Variants in REPS2 observed in about 807,000 individuals in gnomAD.
The protein encoded by REPS2 is ralBP1-associated Eps domain-containing protein 2.
Under a neutral mutation model 53.6 loss-of-function variants are expected in REPS2, and 23 were observed. The observed-to-expected ratio is 0.43, with a 90% CI of 0.31 to 0.61. The LOEUF (loss-of-function observed/expected upper bound fraction) is 0.61, where lower values mean the gene tolerates loss of function less well. Among genes scored for constraint, REPS2 ranks in the 20% least tolerant of loss-of-function variants. The pLI is 0.11. For missense variants in REPS2, 446 were observed against 534.9 expected (o/e 0.83, Z 1.64); for synonymous variants, 238 against 218.6 (o/e 1.09, Z -0.78).
At chrX:17,141,061 C>T (rs1020488720) in intron 17 of REPS2, among the ~76,000 whole-genome samples, 6 of 111,817 alleles carry the variant, frequency 5.4e-5, no homozygotes, top group South Asian at 3.7e-4. Context: ...TGAGCCACCG[C>T]GCCAGCGCAC....
At chrX:17,180,626 ACACACACACACACACG>A in the REPS2 span, among the ~76,000 whole-genome samples, 1 of 78,252 alleles carries the variant, frequency 1.3e-5, no homozygotes, top group African/African-American at 6.5e-5. Context: ...TCTCTCTCTC[ACACACACACACACACG>A]CACACACACA....
intron 1 of REPS2, among the ~76,000 whole-genome samples, chrX:16,969,380 G>A (rs1402787512): frequency 1.8e-5 from 2 of 111,312 alleles, no homozygotes; most frequent in Non-Finnish European, 3.8e-5. Flanking sequence ...CAGGCTGCTG[G>A]GAGGTGGAGG....
the REPS2 span, among the ~76,000 whole-genome samples, chrX:17,165,707 A>C: frequency 1.8e-5 from 2 of 110,540 alleles, no homozygotes; most frequent in African/African-American, 3.3e-5. Flanking sequence ...GTTTTTAATT[A>C]CTCATTTACT....
At chrX:17,099,723 C>T in intron 13 of REPS2, 1 of 498,856 alleles carries the variant, frequency 2.0e-6, no homozygotes, top group Non-Finnish European at 3.6e-6. Flanking sequence ...AACTTCTTTC[C>T]TTCCCACCTG....
At chrX:17,050,163 T>C (rs1602810984) in intron 6 of REPS2, among the ~76,000 whole-genome samples, 1 of 43,744 alleles carries the variant, frequency 2.3e-5, no homozygotes, top group African/African-American at 1.1e-4. Context: ...TCTTTCTTTC[T>C]TTCTTTCTTT....
At position 16,946,858 on chromosome X, in the gene REPS2, C is replaced by T; in HGVS notation, c.-4C>T. On this transcript the variant is annotated 5_prime_UTR_variant, in exon 1 of 18. Transcript: ENST00000357277. ...GGGCTCCGCCGCGCCCCCTTGCTGGCCCCATGGAGGCGGCAGCGGCGGCGG... is the reference window on the plus strand; with the variant it reads ...GGGCTCCGCCGCGCCCCCTTGCTGGTCCCATGGAGGCGGCAGCGGCGGCGG... The T allele has an allele frequency of 1.3e-6, 1 of 758,293 alleles. No individual in the cohort carries two copies. The highest frequency in any genetic ancestry group is 1.5e-6 in the Non-Finnish European group (1 of 645,743). 62.5% of individuals were successfully genotyped at this position (758,293 alleles called of 1,213,427 possible). A position where few individuals can be genotyped will look rare whatever the true frequency, so the allele number is the denominator to read the frequency against.
the REPS2 span, among the ~76,000 whole-genome samples, chrX:17,164,189 G>C: frequency 9.0e-6 from 1 of 111,544 alleles, no homozygotes; most frequent in East Asian, 2.8e-4. Context: ...CAATGACTAA[G>C]ACAATGACTC....
intron 14 of REPS2, among the ~76,000 whole-genome samples, chrX:17,129,867 T>A (rs925453552): frequency 8.9e-6 from 1 of 111,866 alleles, no homozygotes; most frequent in Admixed American, 9.5e-5. Context: ...TCTGTCCACC[T>A]GATGATGGAG....
At position 16,983,463 on chromosome X, in the gene REPS2, T is replaced by C. The variant is rs111641806; in HGVS notation, c.274-22758T>C. 5.5e-3 allele frequency among the ~76,000 whole-genome samples: 616 copies of C among 112,477 alleles called. 5 individuals are homozygous for C. Among genetic ancestry groups the C allele is most frequent in the African/African-American group, 0.019 (593 of 30,974 alleles). On this transcript the variant is annotated intron_variant, in intron 1 of 17. Coordinates refer to ENST00000357277, the MANE Select transcript of REPS2 (RefSeq NM_004726.3). ...TATGTGTTTTGAATTTTTACAGATA[T>C]TCTCTGAAACTGATATTCCTTACCT...
chrX:17,184,890 A>G, the REPS2 span, among the ~76,000 whole-genome samples: 1 of 111,823 alleles, frequency 8.9e-6, no homozygotes, highest in African/African-American at 3.3e-5. Context: ...CCATATTATC[A>G]TGGCCATCTA....
At chrX:17,194,602 G>A in the REPS2 span, among the ~76,000 whole-genome samples, 7 of 111,258 alleles carry the variant, frequency 6.3e-5, no homozygotes, top group South Asian at 1.1e-3. Context: ...GAGGAAGGTG[G>A]GTAAGATTAA....
In REPS2 at chrX:16,966,513, G is replaced by A. The variant is rs150796513; in HGVS notation, c.273+19379G>A. On this transcript the variant is annotated intron_variant, in intron 1 of 17. Coordinates refer to ENST00000357277, the MANE Select transcript of REPS2 (RefSeq NM_004726.3). ...GTTTTATATACGCCTTATACACATAGCCTAAAGGTAATTTTATACAATATT... is the reference window on the plus strand; with the variant it reads ...GTTTTATATACGCCTTATACACATAACCTAAAGGTAATTTTATACAATATT... Among the ~76,000 whole-genome samples, 3 of 112,305 alleles carry A rather than the reference G, an allele frequency of 2.7e-5. No individual in the cohort carries two copies. The Admixed American group carries it at 2.8e-4, about 11-fold the overall frequency.
intron 5 of REPS2, among the ~76,000 whole-genome samples, chrX:17,031,146 T>C (rs1390090580): frequency 9.0e-6 from 1 of 111,572 alleles, no homozygotes; most frequent in Non-Finnish European, 1.9e-5. Context: ...CACTGTGGAG[T>C]GAGGTTTACG....
chrX:17,007,774 T>G (rs1259146610), intron 2 of REPS2, among the ~76,000 whole-genome samples: 1 of 112,159 alleles, frequency 8.9e-6, no homozygotes, highest in Non-Finnish European at 1.9e-5. Flanking sequence ...CTACTATGGC[T>G]GCACACTGCA....
chrX:17,134,803 T>C (rs2063341782), intron 15 of REPS2, among the ~76,000 whole-genome samples: 1 of 110,295 alleles, frequency 9.1e-6, no homozygotes, highest in South Asian at 4.0e-4. Flanking sequence ...TTTGTATTTT[T>C]AGTAGAGACG....
At chrX:17,140,013 C>G (rs746300469) in intron 17 of REPS2, among the ~76,000 whole-genome samples, 1 of 111,953 alleles carries the variant, frequency 8.9e-6, no homozygotes, top group Non-Finnish European at 1.9e-5. Flanking sequence ...CCCCAGTTCT[C>G]TACTGGATCA....
rs2062768928 is a variant in REPS2 at position 17,100,252 on chromosome X, C to A, written c.1517-3466C>A. On this transcript the variant is annotated intron_variant, in intron 13 of 17. Transcript: ENST00000357277. ...ATCGACGGTAGAGAACTTTTTCCAC[C>A]ACATATTCCTGTTCCTCCTCTTCTA... is the stretch of plus-strand genomic sequence containing the variant. 10 of 572,918 alleles carry A rather than the reference C, an allele frequency of 1.7e-5. No individual in the cohort carries two copies. In the Admixed American group the frequency reaches 2.1e-4, roughly 12 times the overall value. The allele number at this position is 572,918 out of a possible 1,213,427, so 47.2% of individuals were successfully genotyped here. A position where few individuals can be genotyped will look rare whatever the true frequency, so the allele number is the denominator to read the frequency against.
intron 1 of REPS2, among the ~76,000 whole-genome samples, chrX:16,966,244 A>C (rs2060766929): frequency 8.9e-6 from 1 of 112,493 alleles, no homozygotes; most frequent in Non-Finnish European, 1.9e-5. Context: ...ATGAGTAAAT[A>C]ACAGCTCCCT....
intron 1 of REPS2, among the ~76,000 whole-genome samples, chrX:16,974,997 T>C (rs1196334297): frequency 1.8e-5 from 2 of 111,658 alleles, no homozygotes; most frequent in Non-Finnish European, 3.8e-5. Flanking sequence ...TTAGTTTGCT[T>C]AGGATAATGG....
Sources: allele counts gnomAD v4.1 joint callset (sites outside exome capture counted in the v4.1 genomes callset), GRCh38; gene constraint gnomAD v4.1.1; transcripts MANE v1.5; gene names NCBI Gene and HGNC (gene_info 2026-07-23, HGNC 2026-07-21).